The following HS3ST3A1 variants were observed in gnomAD, a reference collection of about 807,000 sequenced individuals.
HS3ST3A1 encodes the protein heparan sulfate glucosamine 3-O-sulfotransferase 3A1.
A neutral mutation model predicts 25.7 loss-of-function variants in HS3ST3A1; 19 were observed. The observed-to-expected ratio is 0.74, with a 90% CI of 0.52 to 1.08. The LOEUF (loss-of-function observed/expected upper bound fraction) is 1.08. Ranked by LOEUF, HS3ST3A1 falls within the 50% of genes least tolerant of loss-of-function variation. The probability of loss-of-function intolerance (pLI) is 0.00; values close to 1 mark genes in which losing one functional copy is unlikely to be tolerated. For missense variants in HS3ST3A1, 459 were observed against 594.3 expected (o/e 0.77, Z 2.37); for synonymous variants, 226 against 278.6 (o/e 0.81, Z 1.88).
intron 1 of HS3ST3A1, among the ~76,000 whole-genome samples, chr17:13,503,813 C>A (rs1284465449): frequency 1.3e-5 from 2 of 152,128 alleles, no homozygotes; most frequent in African/African-American, 2.4e-5. Flanking sequence ...CACTATCTAC[C>A]AAACGAGCGC....
intron 1 of HS3ST3A1, among the ~76,000 whole-genome samples, chr17:13,598,300 C>T (rs957604594): frequency 6.6e-6 from 1 of 152,000 alleles, no homozygotes; most frequent in Admixed American, 6.6e-5. Flanking sequence ...GTCTTGCTCA[C>T]AAACATCAAA....
At chr17:13,521,404 G>A (rs1392851436) in intron 1 of HS3ST3A1, among the ~76,000 whole-genome samples, 2 of 152,176 alleles carry the variant, frequency 1.3e-5, no homozygotes, top group African/African-American at 2.4e-5. Flanking sequence ...GGGTTTTGAA[G>A]TAATAGAGGG....
At chr17:13,540,481 C>T (rs9916623) in intron 1 of HS3ST3A1, among the ~76,000 whole-genome samples, 59,079 of 152,050 alleles carry the variant, frequency 0.39, 12,402 homozygotes, top group African/African-American at 0.56. Flanking sequence ...ATTTGATGGA[C>T]TAAAAATGCA....
intron 1 of HS3ST3A1, among the ~76,000 whole-genome samples, chr17:13,571,569 T>C (rs948009426): frequency 2.0e-5 from 3 of 152,186 alleles, no homozygotes; most frequent in African/African-American, 4.8e-5. Context: ...CTCAGGACAG[T>C]CATATCCTCA....
chr17:13,581,760 G>T (rs1469470531), intron 1 of HS3ST3A1, among the ~76,000 whole-genome samples: 1 of 152,118 alleles, frequency 6.6e-6, no homozygotes, highest in Non-Finnish European at 1.5e-5. Context: ...ATAAACTTTG[G>T]TCTATCAGAT....
intron 1 of HS3ST3A1, among the ~76,000 whole-genome samples, chr17:13,538,365 C>A (rs1486900503): frequency 6.6e-6 from 1 of 152,216 alleles, no homozygotes; most frequent in Non-Finnish European, 1.5e-5. Context: ...TTTTGCAAGT[C>A]ATCAAGGTTG....
chr17:13,574,798 T>A (rs1178851480), intron 1 of HS3ST3A1, among the ~76,000 whole-genome samples: 1 of 151,696 alleles, frequency 6.6e-6, no homozygotes, highest in Non-Finnish European at 1.5e-5. Context: ...TGTCTCATAA[T>A]CACCCTGCTC....
chr17:13,527,543 G>C (rs1906471104), intron 1 of HS3ST3A1, among the ~76,000 whole-genome samples: 2 of 152,120 alleles, frequency 1.3e-5, no homozygotes, highest in Admixed American at 1.3e-4. Context: ...ACCCTGGTGG[G>C]AGAGTGAAGC....
chr17:13,593,384 C>A (rs1010577962), intron 1 of HS3ST3A1, among the ~76,000 whole-genome samples: 2 of 152,108 alleles, frequency 1.3e-5, no homozygotes, highest in African/African-American at 4.8e-5. Context: ...CCTTTCACAC[C>A]TTCTTCACTT....
chr17:13,499,460 G>T (rs1186894563), intron 1 of HS3ST3A1, among the ~76,000 whole-genome samples: 1 of 151,374 alleles, frequency 6.6e-6, no homozygotes, highest in Non-Finnish European at 1.5e-5. Context: ...ATTTTTTTTT[G>T]AAAAAGCCAT....
At chr17:13,595,846 G>GGTTGTTGTTGTT (rs66635656) in intron 1 of HS3ST3A1, among the ~76,000 whole-genome samples, 2 of 18,758 alleles carry the variant, frequency 1.1e-4, no homozygotes, top group African/African-American at 3.7e-4. Flanking sequence ...AGGCCTTTTT[G>GGTTGTTGTTGTT]GTTGTTGTTG....
chr17:13,601,248 C>G lies in HS3ST3A1; in HGVS notation c.-119G>C. On this transcript the variant is annotated 5_prime_UTR_variant, in exon 1 of 2. Transcript: ENST00000284110. ...GACGGAGGCCACATCGCCGTGCGCCCCTGTGGCCGTGCGAACTGTCCCGGG... is the reference window on the plus strand; with the variant it reads ...GACGGAGGCCACATCGCCGTGCGCCGCTGTGGCCGTGCGAACTGTCCCGGG... 2.7e-6 allele frequency: 2 copies of G among 741,558 alleles called. No homozygotes were observed. Among genetic ancestry groups the G allele is most frequent in the Non-Finnish European group, 4.0e-6 (2 of 494,446 alleles). The allele number at this position is 741,558 out of a possible 1,614,324, so 45.9% of individuals were successfully genotyped here. A position where few individuals can be genotyped will look rare whatever the true frequency, so the allele number is the denominator to read the frequency against.
chr17:13,532,158 C>T (rs1906624101), intron 1 of HS3ST3A1, among the ~76,000 whole-genome samples: 1 of 152,088 alleles, frequency 6.6e-6, no homozygotes, highest in Admixed American at 6.6e-5. Flanking sequence ...CTTAGTTCAC[C>T]AATGACTTCT....
intron 1 of HS3ST3A1, among the ~76,000 whole-genome samples, chr17:13,519,774 A>G (rs921445996): frequency 6.6e-6 from 1 of 152,050 alleles, no homozygotes; most frequent in Non-Finnish European, 1.5e-5. Flanking sequence ...AATCTTTACC[A>G]AGTCTAGAAA....
At chr17:13,519,297 T>C (rs548037664) in intron 1 of HS3ST3A1, among the ~76,000 whole-genome samples, 1 of 152,340 alleles carries the variant, frequency 6.6e-6, no homozygotes, top group East Asian at 1.9e-4. Flanking sequence ...TCTAAAAAGT[T>C]TGAGAATAAT....
intron 1 of HS3ST3A1, among the ~76,000 whole-genome samples, chr17:13,517,937 C>A (rs2142314679): frequency 6.6e-6 from 1 of 152,268 alleles, no homozygotes; most frequent in East Asian, 1.9e-4. Context: ...AGTCACTGTG[C>A]CTGGCCGTAA....
intron 1 of HS3ST3A1, among the ~76,000 whole-genome samples, chr17:13,569,318 A>G (rs1670873447): frequency 6.6e-6 from 1 of 152,090 alleles, no homozygotes; most frequent in Admixed American, 6.5e-5. Flanking sequence ...TTTTGTGTTT[A>G]TTTTGGGTGG....
At chr17:13,571,914 T>G (rs1907824795) in intron 1 of HS3ST3A1, among the ~76,000 whole-genome samples, 1 of 152,110 alleles carries the variant, frequency 6.6e-6, no homozygotes, top group African/African-American at 2.4e-5. Flanking sequence ...CATGTGCCAC[T>G]GCATCTGGCT....
intron 1 of HS3ST3A1, among the ~76,000 whole-genome samples, chr17:13,567,660 G>A (rs62053882): frequency 0.075 from 11,369 of 152,250 alleles, 690 homozygotes; most frequent in African/African-American, 0.17. Flanking sequence ...ACTTTGACAA[G>A]TTCTGGACTT....
Sources: allele counts gnomAD v4.1 joint callset (sites outside exome capture counted in the v4.1 genomes callset), GRCh38; gene constraint gnomAD v4.1.1; transcripts MANE v1.5; gene names NCBI Gene and HGNC (gene_info 2026-07-23, HGNC 2026-07-21).